MYPN: variants seen among roughly 807,000 people sequenced by gnomAD.
MYPN encodes the protein myopalladin.
Under a neutral mutation model 129.4 loss-of-function variants are expected in MYPN, and 63 were observed. The ratio of observed to expected loss-of-function variants is 0.49; its 90% CI spans 0.40 to 0.60. The LOEUF (loss-of-function observed/expected upper bound fraction) is 0.60, where lower values mean the gene tolerates loss of function less well. MYPN is among the 20% of genes least tolerant of loss of function. The pLI, the probability that MYPN is intolerant of heterozygous loss-of-function variation, is 0.00. For synonymous variants in MYPN, 629 were observed against 600.9 expected (o/e 1.05, Z -0.68); for missense variants, 1,596 against 1,635.4 (o/e 0.98, Z 0.42).
chr10:68,133,990 G>A (rs999813783), intron 2 of MYPN, among the ~76,000 whole-genome samples: 1 of 152,042 alleles, frequency 6.6e-6, no homozygotes, highest in Non-Finnish European at 1.5e-5. Context: ...TCAACACCAT[G>A]AGAGGCTCTA....
chr10:68,195,106 T>C (rs1055007609), intron 14 of MYPN, among the ~76,000 whole-genome samples: 5 of 152,242 alleles, frequency 3.3e-5, no homozygotes, highest in Admixed American at 1.3e-4. Flanking sequence ...AAATGTTAGT[T>C]TTGAAGAATC....
At position 68,158,500 on chromosome 10, in the gene MYPN, G is replaced by A. The variant is rs2042919177; in HGVS notation, c.1332G>A (p.Leu444=). ...TATCATTATAGATGCTACAAAATTT[G>A]TCAGCTTCTGAGGGTCAGCTGGTTG... The part of the protein sequence containing the change: ...APVFTKMLQN[L]SASEGQLVVF... Residue 444 remains leucine, a synonymous_variant, in exon 7 of 20, where the codon TTG becomes TTA. Coordinates refer to ENST00000358913, the MANE Select transcript of MYPN (RefSeq NM_032578.4). 1 of 1,613,782 alleles carries A rather than the reference G, an allele frequency of 6.2e-7. No homozygotes were observed. The highest frequency in any genetic ancestry group is 8.5e-7 in the Non-Finnish European group (1 of 1,179,866).
At position 68,210,288 on chromosome 10, in the gene MYPN, C is replaced by T. The variant is rs745470655; in HGVS notation, c.3796C>T (p.Gln1266Ter). ...SCTARLDIYA[Q>*]WHHQIPPPMS... Reference sequence around the variant, plus strand: ...ACATTATTTGGTCCATTTTCCAGCTCAGTGGCACCATCAGATCCCACCGCC... The same window carrying T: ...ACATTATTTGGTCCATTTTCCAGCTTAGTGGCACCATCAGATCCCACCGCC... Residue 1266 changes from glutamine (Q) to a stop codon, truncating the protein, a stop_gained and splice_region_variant, in exon 20 of 20, where the codon CAG (glutamine) becomes TAG (stop). Transcript: ENST00000358913. LOFTEE classifies it high-confidence loss of function. 1.2e-6 allele frequency: 2 copies of T among 1,613,384 alleles called. No homozygotes were observed. The highest frequency in any genetic ancestry group is 4.5e-5 in the East Asian group (2 of 44,882).
chr10:68,145,535 G>T lies in MYPN; in HGVS notation c.1130+9G>T, dbSNP rs1589553223. 1 of 1,610,728 alleles carries T rather than the reference G, an allele frequency of 6.2e-7. No individual in the cohort carries two copies. The highest frequency in any genetic ancestry group is 2.2e-5 in the East Asian group (1 of 44,824). On this transcript the variant is annotated intron_variant, in intron 4 of 19. Transcript: ENST00000358913. ...AAGGAAGAGATGAATCGGTAATTCTGATTTTCTGTCTTATAGCTTTAGCAT... is the reference window on the plus strand; with the variant it reads ...AAGGAAGAGATGAATCGGTAATTCTTATTTTCTGTCTTATAGCTTTAGCAT...
intron 7 of MYPN, among the ~76,000 whole-genome samples, chr10:68,161,020 A>G (rs1053978292): frequency 6.6e-6 from 1 of 152,264 alleles, no homozygotes; most frequent in African/African-American, 2.4e-5. Context: ...TTAGGATATC[A>G]GAGCCCAAAG....
At chr10:68,142,683 C>T (rs1589549736) in intron 2 of MYPN, among the ~76,000 whole-genome samples, 2 of 152,154 alleles carry the variant, frequency 1.3e-5, no homozygotes, top group South Asian at 4.1e-4. Context: ...CTTGGCTGTT[C>T]CTGCTTTCTC....
In MYPN at chr10:68,206,942, T is replaced by C. The variant is rs193242711; in HGVS notation, c.3793+39T>C. On this transcript the variant is annotated intron_variant, in intron 19 of 19. Coordinates refer to ENST00000358913, the MANE Select transcript of MYPN (RefSeq NM_032578.4). The stretch of plus-strand genomic sequence containing the variant: ...TGTTAGTTGAACATCTGTATGCAAC[T>C]GACAGCTTAAAAATATTTTTTTAAA... 1.5e-3 allele frequency: 2,373 copies of C among 1,613,408 alleles called. 6 individuals carry two copies. The highest frequency in any genetic ancestry group is 1.8e-3 in the South Asian group (164 of 91,038).
chr10:68,116,590 G>C (rs2042160431), intron 1 of MYPN, among the ~76,000 whole-genome samples: 1 of 152,116 alleles, frequency 6.6e-6, no homozygotes, highest in Non-Finnish European at 1.5e-5. Flanking sequence ...ACAAAAATTA[G>C]CCGGGCATGG....
At chr10:68,133,745 C>A (rs1226833568) in intron 2 of MYPN, among the ~76,000 whole-genome samples, 5 of 151,404 alleles carry the variant, frequency 3.3e-5, no homozygotes, top group African/African-American at 7.3e-5. Flanking sequence ...CTCCTGCTTC[C>A]CCTGCTTGGG....
At position 68,180,423 on chromosome 10, in the gene MYPN, C is replaced by T. The variant is rs559886629; in HGVS notation, c.2703+4962C>T. On this transcript the variant is annotated intron_variant, in intron 12 of 19. Transcript: ENST00000358913. ...CTGGTCTTGAACTCCTGAGCTCAAG[C>T]GATCCACCCGCCTTAGCCTCCCAAA... 3.9e-5 allele frequency among the ~76,000 whole-genome samples: 6 copies of T among 152,290 alleles called. 1 individual carries two copies. Among genetic ancestry groups the T allele is most frequent in the South Asian group, 4.1e-4 (2 of 4,824 alleles).
At chr10:68,187,363 G>C (rs1203400566) in intron 12 of MYPN, among the ~76,000 whole-genome samples, 1 of 151,536 alleles carries the variant, frequency 6.6e-6, no homozygotes, top group East Asian at 1.9e-4. Context: ...TGACAGGGAA[G>C]TTTTATATAG....
At chr10:68,167,918 TG>T (rs2043078787) in intron 10 of MYPN, among the ~76,000 whole-genome samples, 1 of 152,198 alleles carries the variant, frequency 6.6e-6, no homozygotes. Flanking sequence ...AACCAAATCC[TG>T]CAGGAGAAGA....
intron 6 of MYPN, 115 bp downstream of exon 6, chr10:68,150,226 G>A: frequency 3.3e-6 from 3 of 916,496 alleles, no homozygotes; most frequent in South Asian, 2.8e-5. Flanking sequence ...TGTATGTACG[G>A]TATAGGGTTT....
At chr10:68,163,365 G>A (rs1190452988) in intron 8 of MYPN, among the ~76,000 whole-genome samples, 1 of 152,014 alleles carries the variant, frequency 6.6e-6, no homozygotes, top group East Asian at 1.9e-4. Context: ...GGTGGCTCAC[G>A]CCTGTAATCC....
chr10:68,139,241 A>G lies in MYPN; in HGVS notation c.903-3699A>G, dbSNP rs138841083. Among the ~76,000 whole-genome samples, 742 of 152,266 alleles carry G rather than the reference A, an allele frequency of 4.9e-3. 14 individuals carry two copies. Among genetic ancestry groups the G allele is most frequent in the African/African-American group, 0.017 (706 of 41,556 alleles). ...CCAACCTCCCTGTTTTAAGCTCTGTATCTCTTCTCCCATTGTCAGCAATCT... is the reference window on the plus strand; with the variant it reads ...CCAACCTCCCTGTTTTAAGCTCTGTGTCTCTTCTCCCATTGTCAGCAATCT... On this transcript the variant is annotated intron_variant, in intron 2 of 19. Coordinates refer to ENST00000358913, the MANE Select transcript of MYPN (RefSeq NM_032578.4).
At chr10:68,131,032 G>A (rs1183213898) in intron 2 of MYPN, among the ~76,000 whole-genome samples, 1 of 152,078 alleles carries the variant, frequency 6.6e-6, no homozygotes, top group Non-Finnish European at 1.5e-5. Context: ...TTCACTTTAA[G>A]GATTTTTGGC....
intron 1 of MYPN, among the ~76,000 whole-genome samples, chr10:68,120,760 T>G (rs2042229290): frequency 6.6e-6 from 1 of 152,198 alleles, no homozygotes; most frequent in African/African-American, 2.4e-5. Context: ...AATCTCTGTG[T>G]ATGAAAGCAC....
At position 68,204,337 on chromosome 10, in the gene MYPN, A is replaced by T. The variant is rs566378068; in HGVS notation, c.3659+2343A>T. 9.2e-5 allele frequency among the ~76,000 whole-genome samples: 14 copies of T among 152,250 alleles called. No individual in the cohort carries two copies. In the East Asian group the frequency reaches 2.7e-3, roughly 29 times the overall value. ...CACGGCTATTGCCTCACCTCACTAA[A>T]CTACAGCAATAGCACCCTAATGTGT... On this transcript the variant is annotated intron_variant, in intron 18 of 19. Transcript: ENST00000358913.
intron 12 of MYPN, among the ~76,000 whole-genome samples, chr10:68,184,037 G>T (rs1412604191): frequency 6.6e-6 from 1 of 152,076 alleles, no homozygotes; most frequent in Non-Finnish European, 1.5e-5. Flanking sequence ...AGAAAAAAAA[G>T]AAAATCCCTC....
Sources: allele counts gnomAD v4.1 joint callset (sites outside exome capture counted in the v4.1 genomes callset), GRCh38; gene constraint gnomAD v4.1.1; transcripts MANE v1.5; gene names NCBI Gene and HGNC (gene_info 2026-07-23, HGNC 2026-07-21).